CCDC170: variants seen among roughly 807,000 people sequenced by gnomAD.
CCDC170 encodes the protein coiled-coil domain containing 170, also known as coiled-coil domain-containing protein 170.
Under a neutral mutation model 72.6 loss-of-function variants are expected in CCDC170, and 69 were observed. The observed-to-expected ratio is 0.95, with a 90% CI of 0.78 to 1.16. The LOEUF is 1.16. Ranked by LOEUF, CCDC170 falls within the 50% of genes most tolerant of loss-of-function variation. The pLI is 0.00. For missense variants in CCDC170, 852 were observed against 832.5 expected, an observed-to-expected ratio of 1.02 and a Z score of -0.29; for synonymous variants, 300 against 303.9, an observed-to-expected ratio of 0.99 and a Z score of 0.13.
At chr6:151,612,855 C>T (rs904572842) in intron 9 of CCDC170, among the ~76,000 whole-genome samples, 13 of 151,442 alleles carry the variant, frequency 8.6e-5, no homozygotes, top group African/African-American at 1.7e-4. Flanking sequence ...AACCACAAAA[C>T]GAAAACACAA....
At chr6:151,518,602 A>C (rs1271264189) in intron 1 of CCDC170, among the ~76,000 whole-genome samples, 1 of 133,010 alleles carries the variant, frequency 7.5e-6, no homozygotes, top group African/African-American at 2.7e-5. Flanking sequence ...CTATTTTTAT[A>C]GTTATTTCTT....
At chr6:151,537,614 A>G (rs1183514943) in intron 2 of CCDC170, among the ~76,000 whole-genome samples, 2 of 152,180 alleles carry the variant, frequency 1.3e-5, no homozygotes, top group Admixed American at 1.3e-4. Flanking sequence ...TGTGAGAAAT[A>G]TAGTGATATA....
At chr6:151,564,493 G>C (rs1776096795) in intron 5 of CCDC170, among the ~76,000 whole-genome samples, 1 of 152,220 alleles carries the variant, frequency 6.6e-6, no homozygotes, top group Non-Finnish European at 1.5e-5. Context: ...AGTGGCAGCA[G>C]CAGGTGGGTC....
rs751448922 is a variant in CCDC170, at chr6:151,573,290, C to A, written c.891C>A (p.Leu297=). ...ATGCCTCAAAGCAGGAAGTGAGCCTCCTGAAGAAAAGCTCTTCTGAGTTGG... is the reference window on the plus strand; with the variant it reads ...ATGCCTCAAAGCAGGAAGTGAGCCTACTGAAGAAAAGCTCTTCTGAGTTGG... The part of the protein sequence containing the change: ...VWDASKQEVS[L]LKKSSSELEK... Residue 297 remains leucine (L), a synonymous_variant, in exon 6 of 11, where the codon CTC becomes CTA. Transcript: ENST00000239374. 5.6e-6 allele frequency: 9 copies of A among 1,614,140 alleles called. No individual in the cohort carries two copies. The highest frequency in any genetic ancestry group is 4.2e-6 in the Non-Finnish European group (5 of 1,180,024).
intron 7 of CCDC170, among the ~76,000 whole-genome samples, chr6:151,586,471 G>T (rs1261126254): frequency 6.6e-6 from 1 of 152,186 alleles, no homozygotes; most frequent in Non-Finnish European, 1.5e-5. Context: ...CAGATAAAGG[G>T]AAGATTTTAT....
At chr6:151,500,215 G>GT (rs71887705) in intron 1 of CCDC170, among the ~76,000 whole-genome samples, 19,911 of 134,086 alleles carry the variant, frequency 0.15, 1,413 homozygotes, top group East Asian at 0.19. Flanking sequence ...GGTTTGCTCT[G>GT]TTTTTTTTTT....
chr6:151,531,454 A>G (rs528832728), intron 1 of CCDC170, among the ~76,000 whole-genome samples: 1 of 152,220 alleles, frequency 6.6e-6, no homozygotes, highest in Admixed American at 6.5e-5. Context: ...AATACAAAAA[A>G]TTAGCCAGGT....
intron 5 of CCDC170, among the ~76,000 whole-genome samples, chr6:151,559,518 G>A (rs1288890699): frequency 1.3e-5 from 2 of 152,086 alleles, no homozygotes; most frequent in African/African-American, 2.4e-5. Context: ...CATTGTTAGT[G>A]TATAGAAACA....
At chr6:151,602,794 ATT>A (rs781405823) in intron 9 of CCDC170, among the ~76,000 whole-genome samples, 4 of 148,608 alleles carry the variant, frequency 2.7e-5, no homozygotes, top group Non-Finnish European at 4.5e-5. Context: ...AGTCTCAGAT[ATT>A]TCTTTCTTTT....
intron 5 of CCDC170, among the ~76,000 whole-genome samples, chr6:151,562,546 C>G (rs1170566843): frequency 6.6e-6 from 1 of 152,032 alleles, no homozygotes; most frequent in Admixed American, 6.6e-5. Context: ...CTTGTTGAAG[C>G]TGTATTTTGG....
In CCDC170 at chr6:151,536,318, G is replaced by A; in HGVS notation, c.58G>A (p.Glu20Lys). ...ALGAASPAPEETYDHLSEVPV... is the reference protein window; with the variant it reads ...ALGAASPAPEKTYDHLSEVPV... ...TTGTATTTTGGGGGAATTCTACCAG[G>A]AAACTTACGATCATCTTTCGGAAGT... The change falls in exon 2 of 11, where the codon GAA becomes AAA. Residue 20 changes from glutamate (E) to lysine (K), a missense_variant and splice_region_variant. Transcript: ENST00000239374. 1 of 1,613,190 alleles carries A rather than the reference G, an allele frequency of 6.2e-7. No individual in the cohort carries two copies. Among genetic ancestry groups the A allele is most frequent in the Non-Finnish European group, 8.5e-7 (1 of 1,179,178 alleles).
intron 9 of CCDC170, among the ~76,000 whole-genome samples, chr6:151,608,539 C>T (rs757813186): frequency 8.5e-5 from 13 of 152,190 alleles, no homozygotes; most frequent in East Asian, 7.7e-4. Flanking sequence ...GGGAGGGTAC[C>T]GTTGTGTAGT....
At chr6:151,560,185 T>C (rs1445162139) in intron 5 of CCDC170, among the ~76,000 whole-genome samples, 3 of 152,228 alleles carry the variant, frequency 2.0e-5, no homozygotes, top group Non-Finnish European at 4.4e-5. Context: ...ATTCAATGAA[T>C]TTTTAAATCC....
At chr6:151,614,377 C>A (rs1408139710) in intron 9 of CCDC170, among the ~76,000 whole-genome samples, 3 of 152,006 alleles carry the variant, frequency 2.0e-5, no homozygotes, top group South Asian at 2.1e-4. Flanking sequence ...AATATTAGTC[C>A]TTTTGTGTCT....
At chr6:151,588,188 G>T (rs756021589) in intron 7 of CCDC170, among the ~76,000 whole-genome samples, 1 of 152,146 alleles carries the variant, frequency 6.6e-6, no homozygotes, top group Non-Finnish European at 1.5e-5. Flanking sequence ...AGTCAGACTC[G>T]CTTAGAGGGT....
intron 6 of CCDC170, among the ~76,000 whole-genome samples, chr6:151,579,611 A>G (rs1211626886): frequency 1.3e-5 from 2 of 152,202 alleles, no homozygotes; most frequent in African/African-American, 4.8e-5. Flanking sequence ...TGAAGATGCA[A>G]GAGAGACCTT....
At chr6:151,526,914 C>G (rs1457473976) in intron 1 of CCDC170, among the ~76,000 whole-genome samples, 3 of 151,958 alleles carry the variant, frequency 2.0e-5, no homozygotes, top group Admixed American at 2.0e-4. Context: ...GAGACAGGGT[C>G]TCACTCTGTC....
At position 151,618,414 on chromosome 6, in the gene CCDC170, G is replaced by A. The variant is rs774385378; in HGVS notation, c.*267G>A. The A allele has an allele frequency of 5.6e-5, 26 of 461,548 alleles. No homozygotes were observed. The highest frequency in any genetic ancestry group is 9.3e-5 in the Non-Finnish European group (24 of 258,848). 28.6% of individuals were successfully genotyped at this position (461,548 alleles called of 1,614,324 possible). A position where few individuals can be genotyped will look rare whatever the true frequency, so the allele number is the denominator to read the frequency against. Reference sequence around the variant, plus strand: ...GCATGAGTTAGATTGGGAAATGGGAGTGGGAGATAATATTGGGAGGTATCT... The same window carrying A: ...GCATGAGTTAGATTGGGAAATGGGAATGGGAGATAATATTGGGAGGTATCT... On this transcript the variant is annotated 3_prime_UTR_variant, in exon 11 of 11. Coordinates refer to ENST00000239374, the MANE Select transcript of CCDC170 (RefSeq NM_025059.4).
chr6:151,557,992 CG>C (rs1783011517), intron 5 of CCDC170, among the ~76,000 whole-genome samples: 1 of 140,634 alleles, frequency 7.1e-6, no homozygotes, highest in Non-Finnish European at 1.5e-5. Context: ...CCCAGCTACT[CG>C]GGAGGCTGAG....
Sources: allele counts gnomAD v4.1 joint callset (sites outside exome capture counted in the v4.1 genomes callset), GRCh38; gene constraint gnomAD v4.1.1; transcripts MANE v1.5; gene names NCBI Gene and HGNC (gene_info 2026-07-23, HGNC 2026-07-21).